MANSC1: variants seen among roughly 807,000 people sequenced by gnomAD.
MANSC1 encodes MANSC domain containing 1, also known as MANSC domain-containing protein 1.
MANSC1 carries 13 observed loss-of-function variants against 14.1 expected under a neutral mutation model. The ratio of observed to expected loss-of-function variants is 0.92; its 90% CI spans 0.60 to 1.46. The LOEUF (loss-of-function observed/expected upper bound fraction) is 1.46. MANSC1 is among the 40% of genes most tolerant of loss of function. The pLI is 0.00. For missense variants in MANSC1, 486 were observed against 511.4 expected (o/e 0.95, Z 0.48); for synonymous variants, 227 against 200.7 (o/e 1.13, Z -1.11).
intron 2 of MANSC1, among the ~76,000 whole-genome samples, chr12:12,342,576 GTTTTTTTGTTTTTTTT>G (rs1233772185): frequency 3.6e-4 from 37 of 103,982 alleles, no homozygotes; most frequent in African/African-American, 1.2e-3. Flanking sequence ...AGTAGTCAGT[GTTTTTTTGTTTTTTTT>G]TTTTTTTTTT....
In MANSC1 at chr12:12,343,107, T is replaced by C. The variant is rs771400409; in HGVS notation, c.208A>G (p.Thr70Ala). 1.2e-6 allele frequency: 2 copies of C among 1,613,248 alleles called. No individual in the cohort carries two copies. The highest frequency in any genetic ancestry group is 4.5e-5 in the East Asian group (2 of 44,878). ...CACTATTTACCTGATATGTTTTTTG[T>C]TGAACAGCAAGAATTAATGCAGTCT... Reference protein sequence around the residue: ...QEDCINSCCSTKNISGDKACN... With the variant: ...QEDCINSCCSAKNISGDKACN... Residue 70 changes from threonine to alanine, a missense_variant, in exon 2 of 4, where the codon ACA becomes GCA. By Grantham distance (58) the Thr-to-Ala change is moderately conservative (BLOSUM62 0). Coordinates refer to ENST00000535902, the MANE Select transcript of MANSC1 (RefSeq NM_018050.4).
In MANSC1 at chr12:12,333,319, T is replaced by A. The variant is rs571383922; in HGVS notation, c.365-2361A>T. 3.9e-5 allele frequency among the ~76,000 whole-genome samples: 6 copies of A among 152,260 alleles called. No individual in the cohort carries two copies. The South Asian group carries it at 1.2e-3, about 32-fold the overall frequency. On this transcript the variant is annotated intron_variant, in intron 3 of 3. Transcript: ENST00000535902. ...ACCTCAGCCTCCCAAAGTGCTGGAA[T>A]TACAGGTGTGAGCCATCATACTTGG...
rs1862887906 is a variant in MANSC1, at chr12:12,338,483, G to T, written c.301C>A (p.Pro101Thr). ...TTCAATGGACAGGCTTCCTCGTTGG[G>T]ACAGAAAAATAGGTAGCAGTTGGGT... ...RQPNCYLFFC[P>T]NEEACPLKPA... Residue 101 changes from proline (P) to threonine (T), a missense_variant, in exon 3 of 4, where the codon CCC becomes ACC. Coordinates refer to ENST00000535902, the MANE Select transcript of MANSC1 (RefSeq NM_018050.4). 1 of 1,613,250 alleles carries T rather than the reference G, an allele frequency of 6.2e-7. No homozygotes were observed. The highest frequency in any genetic ancestry group is 1.7e-5 in the Admixed American group (1 of 59,782).
At chr12:12,348,448 A>T (rs541258195) in intron 1 of MANSC1, among the ~76,000 whole-genome samples, 107 of 152,360 alleles carry the variant, frequency 7.0e-4, no homozygotes, top group African/African-American at 2.5e-3. Flanking sequence ...CAAAGAAGCC[A>T]GTCTGAACAG....
Position 12,350,086 on chromosome 12 carries a change from G to A in MANSC1, c.-109C>T, listed in dbSNP as rs1341765941. On this transcript the variant is annotated 5_prime_UTR_variant, in exon 1 of 4. The change creates a premature stop within an existing upstream ORF in the 5' untranslated region. Transcript: ENST00000535902. ...TGGGGAGACCCCTTTACCTGGCGTC[G>A]AGAGGACCCCGGCGCCCCTGCTGCC... is the stretch of plus-strand genomic sequence containing the variant. 1 of 152,258 alleles carries A rather than the reference G, an allele frequency of 6.6e-6. No homozygotes were observed. Among genetic ancestry groups the A allele is most frequent in the African/African-American group, 2.4e-5 (1 of 41,450 alleles). 9.4% of individuals were successfully genotyped at this position (152,258 alleles called of 1,614,324 possible). A position where few individuals can be genotyped will look rare whatever the true frequency, so the allele number is the denominator to read the frequency against.
chr12:12,347,366 A>G (rs544025351), intron 1 of MANSC1, among the ~76,000 whole-genome samples: 2 of 152,174 alleles, frequency 1.3e-5, no homozygotes, highest in African/African-American at 2.4e-5. Context: ...ATCTACGGCC[A>G]CCACTGATCT....
At chr12:12,349,692 TAC>T (rs995868264) in intron 1 of MANSC1, among the ~76,000 whole-genome samples, 1 of 152,156 alleles carries the variant, frequency 6.6e-6, no homozygotes, top group Non-Finnish European at 1.5e-5. Flanking sequence ...TATAACTGTA[TAC>T]ACACACACAC....
chr12:12,327,891 G>GGAGGTGAGGAGGAAGGAA lies in MANSC1; in HGVS notation c.*2118_*2135dup, dbSNP rs755168120. On this transcript the variant is annotated 3_prime_UTR_variant, in exon 4 of 4. Transcript: ENST00000535902. ...GGGGTACCAGAAGAGCAGAGGGGAA[G>GGAGGTGAGGAGGAAGGAA]GAGGTGAGGAGGAAGGAAGAGGTGA... 6.6e-6 allele frequency: 1 copy of GGAGGTGAGGAGGAAGGAA among 152,416 alleles called. No homozygotes were observed. Among genetic ancestry groups the GGAGGTGAGGAGGAAGGAA allele is most frequent in the Non-Finnish European group, 1.5e-5 (1 of 68,114 alleles). 9.4% of individuals were successfully genotyped at this position (152,416 alleles called of 1,614,324 possible).
chr12:12,330,806 A>T lies in MANSC1; in HGVS notation c.517T>A (p.Ser173Thr). The T allele has an allele frequency of 1.2e-6, 2 of 1,614,142 alleles. No homozygotes were observed. Among genetic ancestry groups the T allele is most frequent in the South Asian group, 1.1e-5 (1 of 91,076 alleles). ...PTDISWRDTL[S>T]QKFGSSDHLE... ...TGATCTGAGGATCCAAACTTCTGAGAAAGTGTGTCTCTCCATGAGATATCG... is the reference window on the plus strand; with the variant it reads ...TGATCTGAGGATCCAAACTTCTGAGTAAGTGTGTCTCTCCATGAGATATCG... The change falls in exon 4 of 4, where the codon TCT becomes ACT. Residue 173 changes from serine (S) to threonine (T), a missense_variant. By Grantham distance (58) the Ser-to-Thr change is moderately conservative. Transcript: ENST00000535902.
intron 2 of MANSC1, among the ~76,000 whole-genome samples, chr12:12,342,772 A>G (rs2135996066): frequency 1.3e-5 from 2 of 152,130 alleles, no homozygotes; most frequent in East Asian, 3.9e-4. Context: ...ACTGTATTCC[A>G]ATACTCCATG....
chr12:12,330,683 C>T lies in MANSC1; in HGVS notation c.640G>A (p.Glu214Lys). 6.2e-7 allele frequency: 1 copy of T among 1,614,220 alleles called. No individual in the cohort carries two copies. Among genetic ancestry groups the T allele is most frequent in the East Asian group, 2.2e-5 (1 of 44,892 alleles). Residue 214 changes from glutamate (E) to lysine (K), a missense_variant, in exon 4 of 4, where the codon GAA (glutamate) becomes AAA (lysine). Coordinates refer to ENST00000535902, the MANE Select transcript of MANSC1 (RefSeq NM_018050.4). ...SQSSQFSSDQ[E>K]IAHLLPENVS... Reference sequence around the variant, plus strand: ...TTTTCAGGCAGCAGATGAGCTATTTCTTGATCAGAGGAAAATTGTGAACTC... The same window carrying T: ...TTTTCAGGCAGCAGATGAGCTATTTTTTGATCAGAGGAAAATTGTGAACTC...
chr12:12,332,122 C>T (rs1862798903), intron 3 of MANSC1, among the ~76,000 whole-genome samples: 1 of 152,192 alleles, frequency 6.6e-6, no homozygotes, highest in African/African-American at 2.4e-5. Context: ...AGGGAATGAC[C>T]AGGTGAATTG....
chr12:12,336,675 T>G (rs1274201538), intron 3 of MANSC1, among the ~76,000 whole-genome samples: 1 of 152,066 alleles, frequency 6.6e-6, no homozygotes, highest in South Asian at 2.1e-4. Flanking sequence ...TACAAGCTCA[T>G]GCCACCATGC....
intron 2 of MANSC1, among the ~76,000 whole-genome samples, chr12:12,342,793 C>T (rs1043171190): frequency 1.3e-5 from 2 of 152,012 alleles, no homozygotes; most frequent in Non-Finnish European, 2.9e-5. Flanking sequence ...CTGATGGCAG[C>T]TAACCATTTC....
Position 12,350,225 on chromosome 12 carries a change from GT to G in MANSC1, c.-249del. 1 of 152,364 alleles carries G rather than the reference GT, an allele frequency of 6.6e-6. No individual in the cohort carries two copies. The highest frequency in any genetic ancestry group is 1.5e-5 in the Non-Finnish European group (1 of 68,042). 9.4% of individuals were successfully genotyped at this position (152,364 alleles called of 1,614,324 possible). A position where few individuals can be genotyped will look rare whatever the true frequency, so the allele number is the denominator to read the frequency against. ...CGCAGCTCCCGCACCGGCCTGGCGG[GT>G]TTTGTGGTTAGCAAGTTCCTGCTTC... is the stretch of plus-strand genomic sequence containing the variant. On this transcript the variant is annotated 5_prime_UTR_variant, in exon 1 of 4. Transcript: ENST00000535902.
rs71433474 is a variant in MANSC1, at chr12:12,328,857, G to A, written c.*1170C>T. 0.097 allele frequency: 14,655 copies of A among 151,666 alleles called. 910 individuals are homozygous for A. The highest frequency in any genetic ancestry group is 0.15 in the East Asian group (770 of 5,052). 9.4% of individuals were successfully genotyped at this position (151,666 alleles called of 1,614,324 possible). A position where few individuals can be genotyped will look rare whatever the true frequency, so the allele number is the denominator to read the frequency against. On this transcript the variant is annotated 3_prime_UTR_variant, in exon 4 of 4. Transcript: ENST00000535902. The stretch of plus-strand genomic sequence containing the variant: ...TAAAAAATTAGCTGGGCGTGTTGGC[G>A]GGCGCCTGTAGTCCCAGCTACTTGG...
At position 12,330,253 on chromosome 12, in the gene MANSC1, C is replaced by T. The variant is rs780834017; in HGVS notation, c.1070G>A (p.Trp357Ter). 2 of 1,614,194 alleles carry T rather than the reference C, an allele frequency of 1.2e-6. No individual in the cohort carries two copies. The highest frequency in any genetic ancestry group is 2.2e-5 in the East Asian group (1 of 44,876). The change falls in exon 4 of 4, where the codon TGG becomes TAG. Residue 357 changes from tryptophan to a stop codon, truncating the protein, a stop_gained. Transcript: ENST00000535902. LOFTEE classifies it low-confidence loss of function (END_TRUNC). Reference protein sequence around the residue: ...ESSTMNKTASWEGREASPGSS... With the variant: ...ESSTMNKTAS ...GCCTGGACTGGCCTCCCTACCTTCC[C>T]AGGAAGCAGTTTTATTCATAGTGGA...
At chr12:12,339,640 T>C (rs1440580685) in intron 2 of MANSC1, among the ~76,000 whole-genome samples, 1 of 152,172 alleles carries the variant, frequency 6.6e-6, no homozygotes, top group Non-Finnish European at 1.5e-5. Flanking sequence ...ATCATAGATA[T>C]CATGGCTCCT....
intron 1 of MANSC1, among the ~76,000 whole-genome samples, chr12:12,346,219 C>G (rs967605552): frequency 6.6e-6 from 1 of 151,882 alleles, no homozygotes; most frequent in African/African-American, 2.4e-5. Context: ...TGCAGCAAGC[C>G]GAGATTGCGC....
Sources: gnomAD v4.1 joint callset for allele counts (sites outside exome capture counted in the v4.1 genomes callset) on GRCh38, gnomAD v4.1.1 for gene constraint, MANE v1.5 for transcripts, NCBI Gene and HGNC (gene_info 2026-07-23, HGNC 2026-07-21) for gene names.